The following HDAC8 variants were observed in gnomAD, a reference collection of about 807,000 sequenced individuals.
HDAC8 encodes the protein histone deacetylase-like 1.
In HDAC8, 1 loss-of-function variant was observed where a neutral mutation model predicts 32.2. The ratio of observed to expected loss-of-function variants is 0.03; its 90% CI spans 0.01 to 0.15. The LOEUF is 0.15. HDAC8 is among the 10% of genes least tolerant of loss of function. HDAC8 has a pLI of 1.00. For missense variants in HDAC8, 117 were observed against 300.0 expected, an observed-to-expected ratio of 0.39 and a Z score of 4.51; for synonymous variants, 108 against 113.9, an observed-to-expected ratio of 0.95 and a Z score of 0.33.
chrX:72,480,838 G>A (rs2048473694), intron 7 of HDAC8, among the ~76,000 whole-genome samples: 1 of 110,415 alleles, frequency 9.1e-6, no homozygotes, highest in African/African-American at 3.3e-5. Context: ...TTCCTCATAA[G>A]TGAGAGCTGA....
chrX:72,379,337 CT>C (rs782348621), intron 9 of HDAC8, among the ~76,000 whole-genome samples: 1 of 110,521 alleles, frequency 9.0e-6, no homozygotes, highest in African/African-American at 3.3e-5. Context: ...ATATTTTTTC[CT>C]ATGTATTCAC....
intron 9 of HDAC8, among the ~76,000 whole-genome samples, chrX:72,394,047 A>G (rs970421218): frequency 2.7e-5 from 3 of 111,461 alleles, no homozygotes; most frequent in Non-Finnish European, 3.8e-5. Context: ...AGACTCCAGT[A>G]TGACTGCCTT....
chrX:72,439,244 C>T (rs2147971948), intron 9 of HDAC8, among the ~76,000 whole-genome samples: 1 of 111,561 alleles, frequency 9.0e-6, no homozygotes, highest in Non-Finnish European at 1.9e-5. Flanking sequence ...AATAAAATCC[C>T]TTATGGACAG....
intron 9 of HDAC8, among the ~76,000 whole-genome samples, chrX:72,447,401 G>C (rs1324316896): frequency 2.7e-5 from 3 of 111,800 alleles, no homozygotes; most frequent in Non-Finnish European, 3.8e-5. Context: ...TTCATGCTAA[G>C]AACTCTCGAT....
intron 7 of HDAC8, among the ~76,000 whole-genome samples, chrX:72,476,260 G>A (rs2048332274): frequency 9.1e-6 from 1 of 109,956 alleles, no homozygotes; most frequent in Non-Finnish European, 1.9e-5. Flanking sequence ...ATGGTCTTTG[G>A]CTATCTTCAT....
At chrX:72,565,857 A>G (rs2051763191) in intron 4 of HDAC8, among the ~76,000 whole-genome samples, 1 of 111,292 alleles carries the variant, frequency 9.0e-6, no homozygotes, top group African/African-American at 3.3e-5. Context: ...GAATTTAAAA[A>G]AAAGGCAGGC....
chrX:72,468,025 G>A (rs781986821), intron 7 of HDAC8: 4 of 1,179,083 alleles, frequency 3.4e-6, no homozygotes, highest in African/African-American at 3.6e-5. Context: ...GATGGGTATT[G>A]AAAAGGTTGA....
At chrX:72,532,432 G>A (rs1374158762) in intron 4 of HDAC8, among the ~76,000 whole-genome samples, 1 of 106,984 alleles carries the variant, frequency 9.3e-6, no homozygotes, top group Non-Finnish European at 1.9e-5. Context: ...AATGTATGAA[G>A]GTTCCAATTT....
intron 9 of HDAC8, among the ~76,000 whole-genome samples, chrX:72,411,030 C>CTTTCTTTTCTTTTCTTTCTTTCTTTCTTT (rs1555970040): frequency 1.2e-5 from 1 of 83,581 alleles, no homozygotes; most frequent in African/African-American, 5.1e-5. Context: ...TTCTTTCTTT[C>CTTTCTTTTCTTTTCTTTCTTTCTTTCTTT]TTTTTTTTTT....
At chrX:72,493,503 G>A (rs1195978960) in intron 5 of HDAC8, among the ~76,000 whole-genome samples, 1 of 111,482 alleles carries the variant, frequency 9.0e-6, no homozygotes, top group Non-Finnish European at 1.9e-5. Context: ...TCATCCTGAT[G>A]CACTTTCAAG....
intron 4 of HDAC8, among the ~76,000 whole-genome samples, chrX:72,529,118 A>G (rs1439465838): frequency 8.9e-6 from 1 of 112,307 alleles, no homozygotes; most frequent in Non-Finnish European, 1.9e-5. Context: ...TAAATGTAGC[A>G]CAGATAAAAA....
intron 9 of HDAC8, among the ~76,000 whole-genome samples, chrX:72,402,105 TATTTGTCC>T (rs2045917125): frequency 9.0e-6 from 1 of 111,723 alleles, no homozygotes; most frequent in Admixed American, 9.5e-5. Flanking sequence ...TGTTTCTAGG[TATTTGTCC>T]ATTTCATGCG....
At chrX:72,371,874 T>C (rs1474816768) in intron 9 of HDAC8, among the ~76,000 whole-genome samples, 1 of 111,835 alleles carries the variant, frequency 8.9e-6, no homozygotes, top group East Asian at 2.8e-4. Flanking sequence ...GGAGCTCACA[T>C]TTTAGTGGGA....
intron 4 of HDAC8, among the ~76,000 whole-genome samples, chrX:72,521,104 G>C (rs2049967169): frequency 8.9e-6 from 1 of 111,776 alleles, no homozygotes; most frequent in Non-Finnish European, 1.9e-5. Context: ...GTGATAATTT[G>C]AAACTGTGTG....
At chrX:72,568,240 C>A (rs1473292183) in intron 3 of HDAC8, among the ~76,000 whole-genome samples, 5 of 112,022 alleles carry the variant, frequency 4.5e-5, no homozygotes, top group Admixed American at 1.9e-4. Context: ...TAGTCACAGG[C>A]TACAGATAGA....
intron 4 of HDAC8, among the ~76,000 whole-genome samples, chrX:72,507,450 A>T (rs1183834817): frequency 1.8e-5 from 2 of 111,393 alleles, no homozygotes; most frequent in Non-Finnish European, 3.8e-5. Context: ...TGGTTAAAAA[A>T]TCCCCCCCAA....
chrX:72,495,272 T>C lies in HDAC8; in HGVS notation c.438-4A>G. 4.3e-6 allele frequency: 5 copies of C among 1,165,457 alleles called. No homozygotes were observed. The highest frequency in any genetic ancestry group is 5.8e-6 in the Non-Finnish European group (5 of 856,510). On this transcript the variant is annotated splice_polypyrimidine_tract_variant and splice_region_variant and intron_variant, in intron 4 of 10. Transcript: ENST00000373573. ...ACAAAAACCAGATGCTTCATCTCTG[T>C]AAGAAAACAAGTTGCTACAGCCAAC...
At chrX:72,346,802 G>C (rs1222519685) in intron 10 of HDAC8, among the ~76,000 whole-genome samples, 3 of 111,359 alleles carry the variant, frequency 2.7e-5, no homozygotes, top group African/African-American at 9.8e-5. Context: ...GGGCTACAAA[G>C]CCTATGTCAG....
chrX:72,511,177 CA>C (rs1421617441), intron 4 of HDAC8, among the ~76,000 whole-genome samples: 1 of 111,362 alleles, frequency 9.0e-6, no homozygotes, highest in Non-Finnish European at 1.9e-5. Context: ...ATGGATAGAA[CA>C]AAAAAAGTCT....
Sources: allele counts gnomAD v4.1 joint callset (sites outside exome capture counted in the v4.1 genomes callset), GRCh38; gene constraint gnomAD v4.1.1; transcripts MANE v1.5; gene names NCBI Gene and HGNC (gene_info 2026-07-23, HGNC 2026-07-21).